The following PCDH12 variants were observed in gnomAD, a reference collection of about 807,000 sequenced individuals.
PCDH12 encodes the protein protocadherin-12.
In PCDH12, 45 loss-of-function variants were observed where a neutral mutation model predicts 70.9. The observed-to-expected ratio is 0.63, with a 90% CI of 0.50 to 0.81. The LOEUF (loss-of-function observed/expected upper bound fraction) is 0.81. Among genes scored for constraint, PCDH12 ranks in the 40% least tolerant of loss-of-function variants. The pLI is 0.00. For missense variants in PCDH12, 1,370 were observed against 1,491.7 expected, an observed-to-expected ratio of 0.92 and a Z score of 1.34; for synonymous variants, 567 against 626.0, an observed-to-expected ratio of 0.91 and a Z score of 1.41.
At chr5:141,951,630 G>T in intron 1 of PCDH12, 40 bp from the exon 2 acceptor site, 1 of 1,399,426 alleles carries the variant, frequency 7.1e-7, no homozygotes, top group South Asian at 1.2e-5. Context: ...ACACAATTCC[G>T]ACTCAGCACA....
Position 141,956,959 on chromosome 5 carries a change from T to G in PCDH12, c.893A>C (p.Asp298Ala). ...PPEVLDTFSI[D>A]AKTGQVILRR... ...CAGAATGACCTGGCCTGTCTTGGCA[T>G]CAATACTGAAGGTGTCCAGCACCTC... The change falls in exon 1 of 4, where the codon GAT becomes GCT. Residue 298 changes from aspartate to alanine, a missense_variant. Physicochemically the swap from Asp to Ala is moderately radical, Grantham distance 126 (BLOSUM62 -2). Coordinates refer to ENST00000231484, the MANE Select transcript of PCDH12 (RefSeq NM_016580.4). 1 of 1,614,208 alleles carries G rather than the reference T, an allele frequency of 6.2e-7. No individual in the cohort carries two copies. Among genetic ancestry groups the G allele is most frequent in the Non-Finnish European group, 8.5e-7 (1 of 1,180,038 alleles).
Position 141,945,454 on chromosome 5 carries a change from T to C in PCDH12, c.3482A>G (p.Gln1161Arg). 6.2e-7 allele frequency: 1 copy of C among 1,613,266 alleles called. No homozygotes were observed. Among genetic ancestry groups the C allele is most frequent in the Non-Finnish European group, 8.5e-7 (1 of 1,179,638 alleles). Residue 1161 changes from glutamine to arginine, a missense_variant, in exon 4 of 4, where the codon CAA becomes CGA. Coordinates refer to ENST00000231484, the MANE Select transcript of PCDH12 (RefSeq NM_016580.4). ...ATSAASGMKV[Q>R]GDPGGKTGTE... ...CCCCGTCTTTCCACCTGGGTCCCCT[T>C]GCACTTTCATGCCTGAGGCTGCACT...
In PCDH12 at chr5:141,957,510, C is replaced by A; in HGVS notation, c.342G>T (p.Gly114=). The change falls in exon 1 of 4, where the codon GGG becomes GGT. Residue 114 remains glycine, a synonymous_variant. Transcript: ENST00000231484. The surrounding 1 kb of genome is among the most constrained non-coding windows in gnomAD (Gnocchi z 4.3). The stretch of plus-strand genomic sequence containing the variant: ...TCTCCACATGGATCAGAGCCAAATC[C>A]CCTGTGGCAAGCACATCAAAGGAAA... ...CLVSFDVLAT[G]DLALIHVEIQ... 2 of 1,614,132 alleles carry A rather than the reference C, an allele frequency of 1.2e-6. No homozygotes were observed. The highest frequency in any genetic ancestry group is 2.7e-5 in the African/African-American group (2 of 75,042).
chr5:141,949,401 C>G (rs1158412895), intron 3 of PCDH12, 31 bp downstream of exon 3: 1 of 1,591,236 alleles, frequency 6.3e-7, no homozygotes, highest in Non-Finnish European at 8.6e-7. Flanking sequence ...GGGGCAGAAG[C>G]AGGGTCAAGG....
intron 1 of PCDH12, among the ~76,000 whole-genome samples, chr5:141,953,634 C>T (rs1753125820): frequency 6.6e-6 from 1 of 152,216 alleles, no homozygotes; most frequent in African/African-American, 2.4e-5. Flanking sequence ...ACCCACAGGG[C>T]CTATTCTCTG....
In PCDH12 at chr5:141,957,775, T is replaced by G. The variant is rs774797861; in HGVS notation, c.77A>C (p.Glu26Ala). The change falls in exon 1 of 4, where the codon GAG becomes GCG. Residue 26 changes from glutamate (E) to alanine (A), a missense_variant. Glu to Ala is a moderately radical substitution (Grantham distance 107). Coordinates refer to ENST00000231484, the MANE Select transcript of PCDH12 (RefSeq NM_016580.4). The surrounding 1 kb of genome is among the most constrained non-coding windows in gnomAD (Gnocchi z 4.3). ...GTATTTCACCGTGAGAGTGGTCACC[T>G]CCTGACAATCCCCTAAAAGAAATAA... ...GYLFLLGDCQEVTTLTVKYQV... is the reference protein window; with the variant it reads ...GYLFLLGDCQAVTTLTVKYQV... 6.2e-7 allele frequency: 1 copy of G among 1,609,388 alleles called. No homozygotes were observed. The highest frequency in any genetic ancestry group is 2.2e-5 in the East Asian group (1 of 44,868).
chr5:141,945,553 G>A lies in PCDH12; in HGVS notation c.3383C>T (p.Pro1128Leu), dbSNP rs1364358140. ...CAGCGCCTCGGAGGCGGCCTCCACG[G>A]GCATGCTGGAGCGCTGTTCCAGCAG... ...EMLLEQRSSM[P>L]VEAASEALRR... is the part of the protein sequence containing the mutation. The change falls in exon 4 of 4, where the codon CCC becomes CTC. Residue 1128 changes from proline (P) to leucine (L), a missense_variant. Pro to Leu is a moderately conservative substitution (Grantham distance 98, BLOSUM62 -3). Coordinates refer to ENST00000231484, the MANE Select transcript of PCDH12 (RefSeq NM_016580.4). 6.2e-7 allele frequency: 1 copy of A among 1,613,850 alleles called. No individual in the cohort carries two copies. The highest frequency in any genetic ancestry group is 1.3e-5 in the African/African-American group (1 of 74,960).
At chr5:141,954,149 G>T (rs116396182) in intron 1 of PCDH12, among the ~76,000 whole-genome samples, 4 of 152,168 alleles carry the variant, frequency 2.6e-5, no homozygotes, top group Non-Finnish European at 5.9e-5. Flanking sequence ...GTTGAAGGAC[G>T]TGTACAAGGT....
chr5:141,957,177 T>C lies in PCDH12; in HGVS notation c.675A>G (p.Ser225=). 1 of 1,614,236 alleles carries C rather than the reference T, an allele frequency of 6.2e-7. No homozygotes were observed. The highest frequency in any genetic ancestry group is 8.5e-7 in the Non-Finnish European group (1 of 1,180,040). The part of the protein sequence containing the change: ...TAYDNGNPPK[S]GTSLVKVNVL... ...CGTTGACCTTGACCAAGCTGGTACC[T>C]GACTTGGGGGGGTTCCCATTGTCAT... Residue 225 remains serine (S), a synonymous_variant, in exon 1 of 4, where the codon TCA becomes TCG. Coordinates refer to ENST00000231484, the MANE Select transcript of PCDH12 (RefSeq NM_016580.4). The surrounding 1 kb of genome is among the most constrained non-coding windows in gnomAD (Gnocchi z 4.3).
intron 2 of PCDH12, 103 bp downstream of exon 2, chr5:141,951,390 G>A (rs1753078223): frequency 1.3e-5 from 11 of 844,576 alleles, no homozygotes; most frequent in Admixed American, 3.7e-5. Flanking sequence ...CCAGGGGACC[G>A]GTGTCTGACT....
At position 141,956,158 on chromosome 5, in the gene PCDH12, A is replaced by G. The variant is rs1447195580; in HGVS notation, c.1694T>C (p.Val565Ala). ...TCCATCGCTGAGCACAGGCTGGACC[A>G]CCTCTGGGGCATTATCATTGGCATC... ...LLDANDNAPE[V>A]VQPVLSDGKA... The change falls in exon 1 of 4, where the codon GTG becomes GCG. Residue 565 changes from valine to alanine, a missense_variant. Physicochemically the swap from Val to Ala is moderately conservative, Grantham distance 64. Coordinates refer to ENST00000231484, the MANE Select transcript of PCDH12 (RefSeq NM_016580.4). 6 of 1,613,958 alleles carry G rather than the reference A, an allele frequency of 3.7e-6. No individual in the cohort carries two copies. Among genetic ancestry groups the G allele is most frequent in the Non-Finnish European group, 4.2e-6 (5 of 1,180,028 alleles).
Position 141,958,176 on chromosome 5 carries a change from G to T in PCDH12, c.-325C>A. 1 of 285,818 alleles carries T rather than the reference G, an allele frequency of 3.5e-6. No individual in the cohort carries two copies. The highest frequency in any genetic ancestry group is 6.6e-6 in the Non-Finnish European group (1 of 152,046). The allele number at this position is 285,818 out of a possible 1,614,324, so 17.7% of individuals were successfully genotyped here. A position where few individuals can be genotyped will look rare whatever the true frequency, so the allele number is the denominator to read the frequency against. The stretch of plus-strand genomic sequence containing the variant: ...ACCTGACCCAGTTGAGCAGGATGTG[G>T]GACTCTGACTGCCAAACAGTTGCTA... On this transcript the variant is annotated 5_prime_UTR_variant, in exon 1 of 4. Transcript: ENST00000231484.
intron 3 of PCDH12, among the ~76,000 whole-genome samples, chr5:141,949,126 A>C (rs1354171345): frequency 6.6e-6 from 1 of 151,898 alleles, no homozygotes; most frequent in East Asian, 1.9e-4. Context: ...TGGGAGGCTA[A>C]GGTGGGAGGA....
At chr5:141,949,684 T>C (rs1436305410) in intron 2 of PCDH12, 101 bp from the exon 3 acceptor site, 1 of 1,406,600 alleles carries the variant, frequency 7.1e-7, no homozygotes, top group Non-Finnish European at 9.6e-7. Flanking sequence ...TATAGGGAAC[T>C]GGATACACAG....
chr5:141,954,950 G>A (rs920894091), intron 1 of PCDH12, 22 bp downstream of exon 1: 1 of 1,594,168 alleles, frequency 6.3e-7, no homozygotes, highest in East Asian at 2.2e-5. Context: ...ACCAGAGAAA[G>A]AGCTGCCCAT....
intron 3 of PCDH12, 129 bp from the exon 4 acceptor site, chr5:141,945,934 G>A (rs140212441): frequency 3.6e-6 from 3 of 828,018 alleles, no homozygotes; most frequent in Non-Finnish European, 5.7e-6. Flanking sequence ...GACAGACAGA[G>A]TGGCCAGACG....
chr5:141,956,631 G>C lies in PCDH12; in HGVS notation c.1221C>G (p.Gly407=). ...LGHFRLKRTN[G]NTYMLLTNAT... Reference sequence around the variant, plus strand: ...CATTGGTTAGCAACATGTATGTGTTGCCATTAGTTCTTTTCAGCCTGAAGT... The same window carrying C: ...CATTGGTTAGCAACATGTATGTGTTCCCATTAGTTCTTTTCAGCCTGAAGT... The change falls in exon 1 of 4, where the codon GGC becomes GGG. Residue 407 remains glycine (G), a synonymous_variant. Coordinates refer to ENST00000231484, the MANE Select transcript of PCDH12 (RefSeq NM_016580.4). The C allele has an allele frequency of 6.2e-7, 1 of 1,614,206 alleles. No homozygotes were observed. The highest frequency in any genetic ancestry group is 8.5e-7 in the Non-Finnish European group (1 of 1,180,052).
chr5:141,945,897 A>G, intron 3 of PCDH12, 92 bp from the exon 4 acceptor site: 1 of 1,168,368 alleles, frequency 8.6e-7, no homozygotes, highest in Non-Finnish European at 1.2e-6. Flanking sequence ...AGGGCAGTGG[A>G]CAAAGGAGGG....
In PCDH12 at chr5:141,944,957, C is replaced by G. The variant is rs528609378; in HGVS notation, c.*424G>C. 5.5e-6 allele frequency: 1 copy of G among 180,718 alleles called. No homozygotes were observed. Among genetic ancestry groups the G allele is most frequent in the East Asian group, 1.5e-4 (1 of 6,460 alleles). 11.2% of individuals were successfully genotyped at this position (180,718 alleles called of 1,614,324 possible). On this transcript the variant is annotated 3_prime_UTR_variant, in exon 4 of 4. Coordinates refer to ENST00000231484, the MANE Select transcript of PCDH12 (RefSeq NM_016580.4). ...CCTTCTCCCTCTTGACAGGTGCAAA[C>G]AGGAGAATGAATCACTGCTTTTCCT...
Sources: gnomAD v4.1 joint callset for allele counts (sites outside exome capture counted in the v4.1 genomes callset) on GRCh38, gnomAD v4.1.1 for gene constraint, Gnocchi (gnomAD v3.1) non-coding constraint, MANE v1.5 for transcripts, NCBI Gene and HGNC (gene_info 2026-07-23, HGNC 2026-07-21) for gene names.